PLCB4: variants seen among roughly 807,000 people sequenced by gnomAD.
PLCB4 encodes the protein phospholipase C beta 4, also known as 1-phosphatidylinositol 4,5-bisphosphate phosphodiesterase beta-4.
In PLCB4, 77 loss-of-function variants were observed where a neutral mutation model predicts 178.8. The observed-to-expected ratio is 0.43, with a 90% confidence interval of 0.36 to 0.52. The LOEUF (loss-of-function observed/expected upper bound fraction) is 0.52. Among genes scored for constraint, PLCB4 ranks in the 20% least tolerant of loss-of-function variants. The probability of loss-of-function intolerance (pLI) is 0.00; values close to 1 mark genes in which losing one functional copy is unlikely to be tolerated. For missense variants in PLCB4, 1,024 were observed against 1,453.4 expected, an observed-to-expected ratio of 0.70 and a Z score of 4.80; for synonymous variants, 496 against 490.8, an observed-to-expected ratio of 1.01 and a Z score of -0.14.
intron 4 of PLCB4, among the ~76,000 whole-genome samples, chr20:9,312,560 G>A (rs1170703809): frequency 6.6e-6 from 1 of 152,072 alleles, no homozygotes; most frequent in African/African-American, 2.4e-5. Context: ...ATCAAATTGT[G>A]AGCAGCCACA....
At chr20:9,411,423 G>A (rs893631110) in intron 25 of PLCB4, among the ~76,000 whole-genome samples, 18 of 152,166 alleles carry the variant, frequency 1.2e-4, no homozygotes, top group African/African-American at 3.9e-4. Flanking sequence ...GGAGATGTAG[G>A]CATTAAATAT....
At chr20:9,249,225 T>G (rs1357984741) in intron 3 of PLCB4, among the ~76,000 whole-genome samples, 3 of 152,088 alleles carry the variant, frequency 2.0e-5, no homozygotes, top group African/African-American at 7.2e-5. Context: ...TTTTTTTAAT[T>G]TTATTATTAT....
At chr20:9,410,358 C>T (rs1263494841) in intron 24 of PLCB4, among the ~76,000 whole-genome samples, 1 of 152,218 alleles carries the variant, frequency 6.6e-6, no homozygotes, top group Non-Finnish European at 1.5e-5. Context: ...CTTGTGTTCT[C>T]AGTTGTCAGT....
Position 9,433,045 on chromosome 20 carries a change from C to T in PLCB4, c.2525-2515C>T, listed in dbSNP as rs116499741. 6.8e-3 allele frequency among the ~76,000 whole-genome samples: 1,026 copies of T among 151,498 alleles called. 19 individuals are homozygous for T. Among genetic ancestry groups the T allele is most frequent in the African/African-American group, 0.024 (974 of 41,282 alleles). ...TATGAATGCAGAGATCGAGTTGCCA[C>T]CTCCTGCAAGCACCTCTAAAAGTAA... On this transcript the variant is annotated intron_variant, in intron 28 of 39. Coordinates refer to ENST00000378473, the MANE Select transcript of PLCB4 (RefSeq NM_001377142.1).
At chr20:9,317,022 A>C (rs559206562) in intron 4 of PLCB4, among the ~76,000 whole-genome samples, 1 of 152,246 alleles carries the variant, frequency 6.6e-6, no homozygotes, top group South Asian at 2.1e-4. Flanking sequence ...CCACATATTA[A>C]ATAGTTTAGA....
At chr20:9,470,611 A>G (rs1458229798) in intron 36 of PLCB4, among the ~76,000 whole-genome samples, 1 of 152,224 alleles carries the variant, frequency 6.6e-6, no homozygotes, top group Non-Finnish European at 1.5e-5. Context: ...ATTATCTTCA[A>G]TTTGGAGTTA....
intron 2 of PLCB4, among the ~76,000 whole-genome samples, chr20:9,207,411 T>C (rs2093626573): frequency 1.3e-5 from 2 of 152,244 alleles, no homozygotes; most frequent in African/African-American, 4.8e-5. Flanking sequence ...CACAAGGACT[T>C]GTCCAACCTA....
chr20:9,260,890 T>C (rs2094290527), intron 3 of PLCB4, among the ~76,000 whole-genome samples: 1 of 152,132 alleles, frequency 6.6e-6, no homozygotes, highest in African/African-American at 2.4e-5. Flanking sequence ...CAGAACACAT[T>C]GCCTTAGAAG....
intron 3 of PLCB4, among the ~76,000 whole-genome samples, chr20:9,255,148 G>T (rs1427576156): frequency 6.6e-6 from 1 of 152,088 alleles, no homozygotes; most frequent in Non-Finnish European, 1.5e-5. Flanking sequence ...CCTGTTAATG[G>T]TGCGCTCACC....
intron 2 of PLCB4, among the ~76,000 whole-genome samples, chr20:9,154,081 C>A (rs928679753): frequency 4.6e-5 from 7 of 152,116 alleles, no homozygotes; most frequent in Non-Finnish European, 1.0e-4. Flanking sequence ...CTTGATCTTT[C>A]CATTTTCCAT....
chr20:9,182,572 A>C (rs185196201), intron 2 of PLCB4, among the ~76,000 whole-genome samples: 1 of 152,304 alleles, frequency 6.6e-6, no homozygotes, highest in Non-Finnish European at 1.5e-5. Flanking sequence ...CTCCTCAACA[A>C]ATAGCAGGGC....
intron 1 of PLCB4, among the ~76,000 whole-genome samples, chr20:9,070,046 G>A (rs2089488718): frequency 6.6e-6 from 1 of 151,526 alleles, no homozygotes; most frequent in African/African-American, 2.4e-5. Flanking sequence ...TTCCATATAC[G>A]TAATACTTAG....
intron 3 of PLCB4, among the ~76,000 whole-genome samples, chr20:9,254,640 G>C (rs1294135303): frequency 1.3e-5 from 2 of 152,212 alleles, no homozygotes; most frequent in African/African-American, 4.8e-5. Flanking sequence ...GGAGGTTGCA[G>C]TGAGCTGAGA....
intron 2 of PLCB4, among the ~76,000 whole-genome samples, chr20:9,155,453 A>C (rs1162849497): frequency 6.6e-6 from 1 of 152,188 alleles, no homozygotes; most frequent in Non-Finnish European, 1.5e-5. Flanking sequence ...AGGGTGTGGA[A>C]AGCTGAAGAA....
chr20:9,475,550 G>A lies in PLCB4; in HGVS notation c.3496-1167G>A, dbSNP rs530489339. The stretch of plus-strand genomic sequence containing the variant: ...CTTGGGAAAGCATAGAACATGAAAA[G>A]GCTTGAGACCTGATAAAGATTTAAT... On this transcript the variant is annotated intron_variant, in intron 38 of 39. Coordinates refer to ENST00000378473, the MANE Select transcript of PLCB4 (RefSeq NM_001377142.1). Among the ~76,000 whole-genome samples the A allele has an allele frequency of 1.7e-3, 263 of 152,218 alleles. 2 individuals carry two copies. The South Asian group carries it at 0.022, about 13-fold the overall frequency.
At chr20:9,153,584 T>G (rs61573817) in intron 2 of PLCB4, among the ~76,000 whole-genome samples, 4,845 of 152,294 alleles carry the variant, frequency 0.032, 251 homozygotes, top group African/African-American at 0.11. Flanking sequence ...AACCTTTTTT[T>G]CTTCCCGGTC....
At chr20:9,108,798 G>A (rs1011389398) in intron 2 of PLCB4, among the ~76,000 whole-genome samples, 2 of 151,776 alleles carry the variant, frequency 1.3e-5, no homozygotes, top group Non-Finnish European at 2.9e-5. Flanking sequence ...AGGTGCAGCT[G>A]CCCAAACTTG....
intron 7 of PLCB4, among the ~76,000 whole-genome samples, chr20:9,347,947 G>T (rs145845815): frequency 2.0e-5 from 3 of 152,110 alleles, no homozygotes; most frequent in African/African-American, 7.2e-5. Flanking sequence ...GCACTCCAGC[G>T]TGGCAACAGA....
chr20:9,337,008 G>A (rs2032559583), intron 4 of PLCB4, 118 bp from the exon 5 acceptor site: 5 of 688,916 alleles, frequency 7.3e-6, no homozygotes, highest in South Asian at 5.1e-5. Context: ...AATAAGAATT[G>A]TGGATATTAC....
Sources: allele counts gnomAD v4.1 joint callset (sites outside exome capture counted in the v4.1 genomes callset), GRCh38; gene constraint gnomAD v4.1.1; transcripts MANE v1.5; gene names NCBI Gene and HGNC (gene_info 2026-07-23, HGNC 2026-07-21).